Variants in GPM6A observed in about 807,000 individuals in gnomAD.
GPM6A encodes neuronal membrane glycoprotein M6-a.
Under a neutral mutation model 32.1 loss-of-function variants are expected in GPM6A, and 7 were observed. The observed-to-expected ratio is 0.22, with a 90% CI of 0.12 to 0.41. The LOEUF (loss-of-function observed/expected upper bound fraction) is 0.41. GPM6A is among the 10% of genes least tolerant of loss of function. The pLI, the probability that GPM6A is intolerant of heterozygous loss-of-function variation, is 1.00. For missense variants in GPM6A, 235 were observed against 347.2 expected, an observed-to-expected ratio of 0.68 and a Z score of 2.57; for synonymous variants, 130 against 123.4, an observed-to-expected ratio of 1.05 and a Z score of -0.35.
At chr4:175,923,218 TATATATA>T (rs1560995435) in intron 1 of GPM6A, among the ~76,000 whole-genome samples, 3 of 8,260 alleles carry the variant, frequency 3.6e-4, no homozygotes, top group Non-Finnish European at 0.011. Context: ...ACATGATTTA[TATATATA>T]TATATATATA....
At chr4:175,682,794 G>A (rs987598627) in intron 2 of GPM6A, among the ~76,000 whole-genome samples, 10 of 152,192 alleles carry the variant, frequency 6.6e-5, no homozygotes. Context: ...AAGAACACTT[G>A]GCAGCCCCTG....
At chr4:175,802,124 C>CA (rs965784333) in intron 1 of GPM6A, among the ~76,000 whole-genome samples, 5 of 151,206 alleles carry the variant, frequency 3.3e-5, no homozygotes, top group East Asian at 1.9e-4. Context: ...TGCAGTGTTG[C>CA]AAAAAAAAGT....
At chr4:175,669,933 C>T (rs1421025433) in intron 3 of GPM6A, among the ~76,000 whole-genome samples, 6 of 152,052 alleles carry the variant, frequency 3.9e-5, no homozygotes, top group African/African-American at 1.4e-4. Context: ...CCACTGGATG[C>T]CAAAAATTAC....
At chr4:175,679,958 C>A (rs1743588213) in intron 2 of GPM6A, among the ~76,000 whole-genome samples, 1 of 152,154 alleles carries the variant, frequency 6.6e-6, no homozygotes, top group Non-Finnish European at 1.5e-5. Context: ...CTTTGAGAAA[C>A]TCTCGTCCTA....
At chr4:175,646,375 T>A (rs190909553) in intron 4 of GPM6A, among the ~76,000 whole-genome samples, 17 of 152,200 alleles carry the variant, frequency 1.1e-4, no homozygotes, top group African/African-American at 4.1e-4. Flanking sequence ...ACATAAAGTG[T>A]CCTTTTGAAT....
chr4:175,730,470 TC>T (rs776527564), intron 1 of GPM6A, among the ~76,000 whole-genome samples: 1 of 134,280 alleles, frequency 7.4e-6, no homozygotes. Flanking sequence ...CTCGATCTCT[TC>T]TTTTTTTTTT....
chr4:175,634,794 C>T lies in GPM6A; in HGVS notation c.*111G>A. 3 of 758,276 alleles carry T rather than the reference C, an allele frequency of 4.0e-6. No individual in the cohort carries two copies. The highest frequency in any genetic ancestry group is 1.7e-5 in the South Asian group (1 of 59,066). 47.0% of individuals were successfully genotyped at this position (758,276 alleles called of 1,614,324 possible). ...CTCAGGTGATTCATAAGTCACCTTA[C>T]ATATCATTGATGAGAAGCACTTTCG... On this transcript the variant is annotated 3_prime_UTR_variant, in exon 7 of 7. Transcript: ENST00000393658.
At chr4:175,880,011 T>C (rs1169990620) in intron 1 of GPM6A, among the ~76,000 whole-genome samples, 3 of 152,192 alleles carry the variant, frequency 2.0e-5, no homozygotes, top group Non-Finnish European at 2.9e-5. Context: ...AGGGATTTTA[T>C]GGTTTTAGGT....
At chr4:175,821,334 G>C (rs1034848217) in intron 1 of GPM6A, among the ~76,000 whole-genome samples, 1 of 151,974 alleles carries the variant, frequency 6.6e-6, no homozygotes, top group Non-Finnish European at 1.5e-5. Flanking sequence ...AGTATTGTTT[G>C]CTTTTTGGTA....
intron 1 of GPM6A, among the ~76,000 whole-genome samples, chr4:175,822,738 G>T (rs574925864): frequency 4.0e-5 from 6 of 151,342 alleles, no homozygotes; most frequent in Non-Finnish European, 8.8e-5. Flanking sequence ...GTATACATGT[G>T]CCATGGTGAT....
At chr4:175,717,055 C>CCATT (rs1045877053) in intron 1 of GPM6A, among the ~76,000 whole-genome samples, 1 of 152,136 alleles carries the variant, frequency 6.6e-6, no homozygotes, top group Non-Finnish European at 1.5e-5. Context: ...CATTAACTTA[C>CCATT]CATTATACTT....
At chr4:175,998,691 G>A (rs1405989358) in intron 1 of GPM6A, among the ~76,000 whole-genome samples, 2 of 151,764 alleles carry the variant, frequency 1.3e-5, no homozygotes, top group African/African-American at 4.8e-5. Context: ...TTGCTCTCCG[G>A]TTCCACTGGC....
intron 1 of GPM6A, among the ~76,000 whole-genome samples, chr4:175,915,376 T>G (rs1738459880): frequency 6.6e-6 from 1 of 151,380 alleles, no homozygotes; most frequent in Non-Finnish European, 1.5e-5. Context: ...AACCTCTGCC[T>G]CCCGTGTTCA....
intron 1 of GPM6A, among the ~76,000 whole-genome samples, chr4:175,913,393 T>C (rs1263115181): frequency 1.3e-5 from 2 of 152,244 alleles, no homozygotes; most frequent in East Asian, 1.9e-4. Context: ...CATGTACTTC[T>C]GTTCAGTAAC....
chr4:175,911,530 T>G (rs557583218), intron 1 of GPM6A, among the ~76,000 whole-genome samples: 1 of 152,156 alleles, frequency 6.6e-6, no homozygotes, highest in South Asian at 2.1e-4. Context: ...TAATAAGCCA[T>G]GTATCCCAAA....
intron 1 of GPM6A, among the ~76,000 whole-genome samples, chr4:175,771,600 T>C (rs1311198133): frequency 6.6e-6 from 1 of 151,796 alleles, no homozygotes; most frequent in Non-Finnish European, 1.5e-5. Flanking sequence ...ATTTGATGTT[T>C]AGAAGACGTA....
At chr4:175,882,100 TTTA>T (rs554567595) in intron 1 of GPM6A, among the ~76,000 whole-genome samples, 261 of 152,208 alleles carry the variant, frequency 1.7e-3, no homozygotes, top group Non-Finnish European at 1.5e-3. Flanking sequence ...TTGTCCATAG[TTTA>T]TTATCATTGT....
chr4:175,668,665 G>C (rs1428164361), intron 3 of GPM6A, among the ~76,000 whole-genome samples: 3 of 152,066 alleles, frequency 2.0e-5, no homozygotes, highest in African/African-American at 7.2e-5. Flanking sequence ...TCACAGAAAA[G>C]CATCTTAGAC....
intron 1 of GPM6A, among the ~76,000 whole-genome samples, chr4:175,934,244 C>T (rs761456005): frequency 6.6e-6 from 1 of 152,146 alleles, no homozygotes; most frequent in Non-Finnish European, 1.5e-5. Context: ...AAGTCGACTA[C>T]TTTAAATGTT....
Sources: gnomAD v4.1 joint callset for allele counts (sites outside exome capture counted in the v4.1 genomes callset) on GRCh38, gnomAD v4.1.1 for gene constraint, MANE v1.5 for transcripts, NCBI Gene and HGNC (gene_info 2026-07-23, HGNC 2026-07-21) for gene names.